AFG2A: variants seen among roughly 807,000 people sequenced by gnomAD.
AFG2A encodes AAA ATPase AFG2A.
At chr4:123,008,410 G>A in the AFG2A span, among the ~76,000 whole-genome samples, 1 of 152,178 alleles carries the variant, frequency 6.6e-6, no homozygotes, top group Non-Finnish European at 1.5e-5. Context: ...ATTTCAGTGA[G>A]ATTTGGCAGG....
the AFG2A span, among the ~76,000 whole-genome samples, chr4:122,938,910 A>G: frequency 1.3e-5 from 2 of 151,876 alleles, no homozygotes; most frequent in African/African-American, 4.8e-5. Context: ...GGTTTTTATT[A>G]AGAAATGTCA....
chr4:123,120,229 T>G, the AFG2A span, among the ~76,000 whole-genome samples: 1 of 152,156 alleles, frequency 6.6e-6, no homozygotes, highest in Non-Finnish European at 1.5e-5. Flanking sequence ...GGAAATAATT[T>G]ATAACATTTG....
the AFG2A span, among the ~76,000 whole-genome samples, chr4:122,938,767 A>T: frequency 6.6e-6 from 1 of 151,058 alleles, no homozygotes; most frequent in Non-Finnish European, 1.5e-5. Flanking sequence ...ATTTTTTTTT[A>T]AATCTTCTTA....
At chr4:123,081,314 T>C in the AFG2A span, among the ~76,000 whole-genome samples, 1 of 152,210 alleles carries the variant, frequency 6.6e-6, no homozygotes, top group Non-Finnish European at 1.5e-5. Flanking sequence ...CCTTTTACAG[T>C]CTACGTAGTT....
At chr4:123,270,106 C>T in the AFG2A span, among the ~76,000 whole-genome samples, 6 of 152,210 alleles carry the variant, frequency 3.9e-5, no homozygotes, top group Non-Finnish European at 7.3e-5. Flanking sequence ...TGAGCCACCA[C>T]ACCCAGCCAG....
At chr4:123,304,883 G>A in the AFG2A span, among the ~76,000 whole-genome samples, 4 of 152,118 alleles carry the variant, frequency 2.6e-5, no homozygotes, top group Admixed American at 2.0e-4. Flanking sequence ...GCTTGGTCGC[G>A]TCTGATACTG....
At chr4:123,181,822 A>G in the AFG2A span, among the ~76,000 whole-genome samples, 339 of 152,258 alleles carry the variant, frequency 2.2e-3, 4 homozygotes, top group Middle Eastern at 0.014. Flanking sequence ...TAGTCACTTC[A>G]TATGTGAAGA....
At chr4:122,968,256 C>T in the AFG2A span, among the ~76,000 whole-genome samples, 16 of 151,938 alleles carry the variant, frequency 1.1e-4, no homozygotes, top group Non-Finnish European at 2.1e-4. Flanking sequence ...TTTTTACTTG[C>T]GCCACACTTT....
the AFG2A span, among the ~76,000 whole-genome samples, chr4:123,312,746 A>G: frequency 1.3e-5 from 2 of 152,336 alleles, no homozygotes; most frequent in Admixed American, 1.3e-4. Flanking sequence ...GGCGCTCATT[A>G]ATGAAGCCCA....
At chr4:123,007,608 G>GTGTGTGTGTGTATA in the AFG2A span, among the ~76,000 whole-genome samples, 3 of 18,162 alleles carry the variant, frequency 1.7e-4, no homozygotes, top group African/African-American at 3.5e-4. Context: ...GTGTGTGTGT[G>GTGTGTGTGTGTATA]TATATATATA....
the AFG2A span, among the ~76,000 whole-genome samples, chr4:123,297,277 A>G: frequency 6.6e-6 from 1 of 152,226 alleles, no homozygotes; most frequent in Non-Finnish European, 1.5e-5. Context: ...AATTGTTCCT[A>G]CAAATTTCAT....
chr4:123,155,574 C>T, the AFG2A span, among the ~76,000 whole-genome samples: 5 of 151,574 alleles, frequency 3.3e-5, no homozygotes, highest in Middle Eastern at 3.4e-3. Flanking sequence ...TATTTGGGGT[C>T]GGGGAACAAA....
the AFG2A span, among the ~76,000 whole-genome samples, chr4:122,939,243 G>A: frequency 4.0e-5 from 6 of 151,742 alleles, no homozygotes; most frequent in South Asian, 6.2e-4. Context: ...GTACCACCAC[G>A]CCTGGCTGAT....
the AFG2A span, among the ~76,000 whole-genome samples, chr4:123,014,723 C>T: frequency 6.6e-6 from 1 of 151,424 alleles, no homozygotes; most frequent in Non-Finnish European, 1.5e-5. Flanking sequence ...TTTTCAGATA[C>T]CTATATTTTT....
chr4:123,114,008 T>C, the AFG2A span, among the ~76,000 whole-genome samples: 1 of 151,560 alleles, frequency 6.6e-6, no homozygotes, highest in African/African-American at 2.4e-5. Flanking sequence ...CTGCTGCTGG[T>C]CATCCTGTTG....
the AFG2A span, among the ~76,000 whole-genome samples, chr4:123,203,211 G>T: frequency 2.0e-5 from 3 of 151,740 alleles, no homozygotes; most frequent in African/African-American, 7.3e-5. Flanking sequence ...GAGTGCAGTG[G>T]CATGATCTCA....
At chr4:122,989,022 T>C in the AFG2A span, among the ~76,000 whole-genome samples, 36 of 152,174 alleles carry the variant, frequency 2.4e-4, no homozygotes, top group African/African-American at 8.5e-4. Context: ...TCATGCATTG[T>C]TTTCCTGGAT....
the AFG2A span, among the ~76,000 whole-genome samples, chr4:123,249,763 A>G: frequency 6.6e-6 from 1 of 152,178 alleles, no homozygotes; most frequent in Non-Finnish European, 1.5e-5. Context: ...CAGTAAACAA[A>G]CACACAAATA....
the AFG2A span, among the ~76,000 whole-genome samples, chr4:123,151,620 C>G: frequency 2.6e-5 from 4 of 152,130 alleles, no homozygotes; most frequent in Admixed American, 1.3e-4. Flanking sequence ...ATTAAAAAGT[C>G]CAGAAACAAC....
Sources: gnomAD v4.1 joint callset for allele counts (sites outside exome capture counted in the v4.1 genomes callset) on GRCh38, gnomAD v4.1.1 for gene constraint, MANE v1.5 for transcripts, NCBI Gene and HGNC (gene_info 2026-07-23, HGNC 2026-07-21) for gene names.